Variants in PCNX2 observed in about 807,000 individuals in gnomAD.
The protein encoded by PCNX2 is pecanex-like protein 2.
In PCNX2, 168 loss-of-function variants were observed where a neutral mutation model predicts 223.8. That is an observed-to-expected ratio of 0.75 (90% confidence interval 0.66 to 0.85). The LOEUF (loss-of-function observed/expected upper bound fraction) is 0.85. PCNX2 is among the 40% of genes least tolerant of loss of function. PCNX2 has a pLI of 0.00. For missense variants in PCNX2, 2,507 were observed against 2,675.5 expected (o/e 0.94, Z 1.39); for synonymous variants, 1,006 against 1,052.6 (o/e 0.96, Z 0.86).
At chr1:233,188,142 G>A (rs1003475962) in intron 15 of PCNX2, among the ~76,000 whole-genome samples, 5 of 152,262 alleles carry the variant, frequency 3.3e-5, no homozygotes, top group Middle Eastern at 3.4e-3. Flanking sequence ...GTGTGGCTGC[G>A]TCCTCTGCCC....
chr1:233,200,240 A>C lies in PCNX2; in HGVS notation c.2888T>G (p.Ile963Ser). 1 of 1,584,100 alleles carries C rather than the reference A, an allele frequency of 6.3e-7. No homozygotes were observed. The highest frequency in any genetic ancestry group is 8.6e-7 in the Non-Finnish European group (1 of 1,164,100). ...TTGCGGGAAGAGCCCAAGGAGGGAA[A>C]TAGCAGGGAAGCAATATAAAAATAC... is the stretch of plus-strand genomic sequence containing the variant. ...LIVFLYCFPA[I>S]SLLGLFPQIN... The change falls in exon 14 of 34, where the codon ATT becomes AGT. Residue 963 changes from isoleucine (I) to serine (S), a missense_variant. Physicochemically the swap from Ile to Ser is moderately radical, Grantham distance 142. Around this residue, in one of 3 missense-constraint regions of PCNX2, gnomAD observed 1,372 missense variants for 1,509.4 expected, o/e 0.91. Coordinates refer to ENST00000258229, the MANE Select transcript of PCNX2 (RefSeq NM_014801.4).
Position 233,160,522 on chromosome 1 carries a change from C to G in PCNX2, c.3367-89G>C, listed in dbSNP as rs965714845. The G allele has an allele frequency of 2.9e-6, 4 of 1,384,252 alleles. No individual in the cohort carries two copies. In the African/African-American group the frequency reaches 5.7e-5, roughly 20 times the overall value. 85.7% of individuals were successfully genotyped at this position (1,384,252 alleles called of 1,614,324 possible). ...AATAATACATAACATCACTGTCCTT[C>G]CACTTTTTCCTCTTAACGGATAGCC... On this transcript the variant is annotated intron_variant, in intron 18 of 33. Coordinates refer to ENST00000258229, the MANE Select transcript of PCNX2 (RefSeq NM_014801.4).
Position 232,990,839 on chromosome 1 carries a change from C to T in PCNX2, c.5792-4299G>A, listed in dbSNP as rs1202989190. ...ACTGGGGCCTGCACAGGCCTCTTCC[C>T]CAGGGTCGTCTCCCAGGGCGGACCT... On this transcript the variant is annotated intron_variant, in intron 32 of 33. Coordinates refer to ENST00000258229, the MANE Select transcript of PCNX2 (RefSeq NM_014801.4). This position sits in a 1 kb window ranked among gnomAD's most constrained non-coding sequence, Gnocchi z 4.3. Among the ~76,000 whole-genome samples, 2 of 152,202 alleles carry T rather than the reference C, an allele frequency of 1.3e-5. No homozygotes were observed. The highest frequency in any genetic ancestry group is 4.8e-5 in the African/African-American group (2 of 41,444).
At chr1:233,025,440 A>G (rs1414114081) in intron 25 of PCNX2, 41 bp from the exon 26 acceptor site, 5 of 1,602,384 alleles carry the variant, frequency 3.1e-6, no homozygotes, top group Non-Finnish European at 4.3e-6. Context: ...AAGAGAAGGC[A>G]TGCTAGAATG....
rs1157564402 is a variant in PCNX2 at position 232,984,249 on chromosome 1, G to A, written c.*55C>T. ...GGTGATTTGGGGAGCACGAGGGAGA[G>A]CAATGCAGGTGGGAGGTGTGGGGGA... On this transcript the variant is annotated 3_prime_UTR_variant, in exon 34 of 34. Coordinates refer to ENST00000258229, the MANE Select transcript of PCNX2 (RefSeq NM_014801.4). 1 of 1,489,560 alleles carries A rather than the reference G, an allele frequency of 6.7e-7. No individual in the cohort carries two copies. Among genetic ancestry groups the A allele is most frequent in the Non-Finnish European group, 9.0e-7 (1 of 1,117,100 alleles). 92.3% of individuals were successfully genotyped at this position (1,489,560 alleles called of 1,614,324 possible).
intron 21 of PCNX2, among the ~76,000 whole-genome samples, chr1:233,124,015 T>C (rs980218903): frequency 6.6e-6 from 1 of 152,204 alleles, no homozygotes; most frequent in Non-Finnish European, 1.5e-5. Flanking sequence ...TCTTGCTTAA[T>C]TTTTTTCAAT....
rs41307684 is a variant in PCNX2 at position 233,177,848 on chromosome 1, G to T, written c.3227C>A (p.Ala1076Glu). 30,052 of 1,613,612 alleles carry T rather than the reference G, an allele frequency of 0.019. 414 individuals carry two copies. Among genetic ancestry groups the T allele is most frequent in the South Asian group, 0.037 (3,366 of 90,942 alleles). Residue 1076 changes from alanine to glutamate, a missense_variant, in exon 17 of 34, where the codon GCA becomes GAA. Around this residue, in one of 3 missense-constraint regions of PCNX2, gnomAD observed 1,372 missense variants for 1,509.4 expected, o/e 0.91. Transcript: ENST00000258229. ...GGGGAGAGGGTCAGCAGCTGACTCT[G>T]CCAGATTTTGATGTAAAAATTTAGG... ...LFPKFLHQNLAESAADPLPKK... is the reference protein window; with the variant it reads ...LFPKFLHQNLEESAADPLPKK...
chr1:233,121,197 A>AAT (rs2102736176), intron 21 of PCNX2, among the ~76,000 whole-genome samples: 1 of 152,332 alleles, frequency 6.6e-6, no homozygotes, highest in Admixed American at 6.5e-5. Flanking sequence ...AAATAAATGG[A>AAT]ATAATATTTC....
At chr1:233,255,481 T>G (rs1468084402) in intron 5 of PCNX2, among the ~76,000 whole-genome samples, 1 of 152,218 alleles carries the variant, frequency 6.6e-6, no homozygotes, top group African/African-American at 2.4e-5. Flanking sequence ...TCTGAATAAA[T>G]AGACTTTGCT....
chr1:233,186,219 T>C (rs1165903169), intron 15 of PCNX2, among the ~76,000 whole-genome samples: 1 of 152,188 alleles, frequency 6.6e-6, no homozygotes, highest in Non-Finnish European at 1.5e-5. Flanking sequence ...GATTTTTTTA[T>C]CGCATTAAAC....
chr1:233,273,858 T>A (rs1660778878), intron 1 of PCNX2, among the ~76,000 whole-genome samples: 2 of 152,050 alleles, frequency 1.3e-5, no homozygotes, highest in Non-Finnish European at 2.9e-5. Flanking sequence ...CTCCTGACCC[T>A]GTGATTTGCC....
At chr1:233,033,341 C>T (rs901564355) in intron 25 of PCNX2, 7 of 312,510 alleles carry the variant, frequency 2.2e-5, no homozygotes, top group Admixed American at 1.3e-4. Context: ...AAGAAAAATA[C>T]GAACACAGAA....
chr1:233,248,616 A>G (rs968756852), intron 8 of PCNX2, among the ~76,000 whole-genome samples: 5 of 152,086 alleles, frequency 3.3e-5, no homozygotes, highest in Non-Finnish European at 7.4e-5. Flanking sequence ...ACTCCTGAAG[A>G]CAGATGGACC....
chr1:233,080,507 A>T (rs1186494994), intron 23 of PCNX2, among the ~76,000 whole-genome samples: 1 of 152,008 alleles, frequency 6.6e-6, no homozygotes, highest in African/African-American at 2.4e-5. Flanking sequence ...AAACAACAGA[A>T]ATATGTTGCT....
chr1:233,174,136 T>C (rs1679329380), intron 17 of PCNX2, among the ~76,000 whole-genome samples: 1 of 145,664 alleles, frequency 6.9e-6, no homozygotes, highest in East Asian at 1.9e-4. Context: ...TTATATATTA[T>C]ATGTAATATA....
At chr1:233,203,660 C>T in intron 13 of PCNX2, among the ~76,000 whole-genome samples, 1 of 152,182 alleles carries the variant, frequency 6.6e-6, no homozygotes, top group East Asian at 1.9e-4. Flanking sequence ...CCACCTGCGC[C>T]ATGTCCACCT....
At chr1:233,208,826 C>CAAAAAAAAAAAAAAAAAAAAAAAAAG (rs71173255) in intron 12 of PCNX2, 137 bp from the exon 13 acceptor site, 6 of 59,532 alleles carry the variant, frequency 1.0e-4, no homozygotes, top group East Asian at 6.3e-4. Flanking sequence ...AATTCATATA[C>CAAAAAAAAAAAAAAAAAAAAAAAAAG]AAAAAAAAAA....
chr1:233,034,747 T>G (rs1671392749), intron 25 of PCNX2, among the ~76,000 whole-genome samples: 1 of 152,130 alleles, frequency 6.6e-6, no homozygotes, highest in Admixed American at 6.5e-5. Flanking sequence ...TTCCCTTTTT[T>G]TGCATCCCAA....
At chr1:233,141,307 C>T (rs1004512174) in intron 19 of PCNX2, among the ~76,000 whole-genome samples, 3 of 152,180 alleles carry the variant, frequency 2.0e-5, no homozygotes, top group African/African-American at 7.2e-5. Flanking sequence ...TGATATGGCT[C>T]ATATTTCTAT....
Sources: allele counts gnomAD v4.1 joint callset (sites outside exome capture counted in the v4.1 genomes callset), GRCh38; gene constraint gnomAD v4.1.1; regional missense constraint gnomAD v4.1.1; non-coding constraint Gnocchi (gnomAD v3.1); transcripts MANE v1.5; gene names NCBI Gene and HGNC (gene_info 2026-07-23, HGNC 2026-07-21).